ASTN2: variants seen among roughly 807,000 people sequenced by gnomAD.
ASTN2 encodes the protein astrotactin 2.
A neutral mutation model predicts 139.8 loss-of-function variants in ASTN2; 54 were observed. The ratio of observed to expected loss-of-function variants is 0.39; its 90% CI spans 0.31 to 0.48. The LOEUF (loss-of-function observed/expected upper bound fraction) is 0.48. Ranked by LOEUF, ASTN2 falls within the 20% of genes least tolerant of loss-of-function variation. The probability of loss-of-function intolerance (pLI) is 0.95; values close to 1 mark genes in which losing one functional copy is unlikely to be tolerated. For missense variants in ASTN2, 1,565 were observed against 1,725.1 expected (o/e 0.91, Z 1.64); for synonymous variants, 756 against 719.5 (o/e 1.05, Z -0.81).
chr9:117,379,567 A>G (rs2130925936), intron 1 of ASTN2, among the ~76,000 whole-genome samples: 1 of 152,322 alleles, frequency 6.6e-6, no homozygotes, highest in South Asian at 2.1e-4. Context: ...GGGAGGAATA[A>G]TAAAATGTAA....
intron 22 of ASTN2, among the ~76,000 whole-genome samples, chr9:116,431,280 G>T (rs749627511): frequency 6.6e-6 from 1 of 152,072 alleles, no homozygotes; most frequent in Non-Finnish European, 1.5e-5. Flanking sequence ...ATTCCCATTC[G>T]CCTCCCTCCC....
chr9:117,157,762 T>C (rs1199801601), intron 3 of ASTN2, among the ~76,000 whole-genome samples: 1 of 152,008 alleles, frequency 6.6e-6, no homozygotes, highest in Admixed American at 6.6e-5. Flanking sequence ...GTTGGTGCTA[T>C]AGATGAGAAG....
chr9:116,914,079 G>A (rs998976088), intron 10 of ASTN2, among the ~76,000 whole-genome samples: 1 of 150,288 alleles, frequency 6.7e-6, no homozygotes, highest in African/African-American at 2.5e-5. Context: ...AATGTTTTAA[G>A]TAATAGTAAG....
chr9:117,259,907 T>G (rs893386673), intron 2 of ASTN2, among the ~76,000 whole-genome samples: 10 of 152,202 alleles, frequency 6.6e-5, no homozygotes, highest in African/African-American at 2.2e-4. Flanking sequence ...TGCAAATTAT[T>G]AAAATGATGA....
intron 11 of ASTN2, among the ~76,000 whole-genome samples, chr9:116,855,231 T>C (rs1588356741): frequency 6.6e-6 from 1 of 152,202 alleles, no homozygotes; most frequent in East Asian, 1.9e-4. Context: ...ACAATAATCT[T>C]GGAAACCCTA....
intron 3 of ASTN2, among the ~76,000 whole-genome samples, chr9:117,211,025 T>C (rs1216015922): frequency 2.8e-5 from 4 of 144,942 alleles, no homozygotes; most frequent in Non-Finnish European, 6.0e-5. Flanking sequence ...CTCCTCGTGA[T>C]AAAAACTCTT....
At position 116,694,640 on chromosome 9, in the gene ASTN2, T is replaced by C. The variant is rs1004251808; in HGVS notation, c.2806+31131A>G. Reference sequence around the variant, plus strand: ...CACGCCCAGCTAATTTTTTTTTTTTTTTTTGTATTTTTAGTAGAGACGGAG... The same window carrying C: ...CACGCCCAGCTAATTTTTTTTTTTTCTTTTGTATTTTTAGTAGAGACGGAG... On this transcript the variant is annotated intron_variant, in intron 16 of 22. Transcript: ENST00000313400. 5.4e-5 allele frequency among the ~76,000 whole-genome samples: 8 copies of C among 149,220 alleles called. No homozygotes were observed. The East Asian group carries it at 7.9e-4, about 15-fold the overall frequency.
intron 22 of ASTN2, chr9:116,437,370 T>G: frequency 2.1e-6 from 1 of 471,282 alleles, no homozygotes; most frequent in Non-Finnish European, 4.4e-6. Flanking sequence ...TGTGGGATGT[T>G]GGAGCAATCT....
chr9:117,353,286 A>G (rs186104276), intron 1 of ASTN2, among the ~76,000 whole-genome samples: 69 of 152,230 alleles, frequency 4.5e-4, no homozygotes, highest in African/African-American at 1.6e-3. Flanking sequence ...CAAACCATAA[A>G]AAGATTCTCT....
chr9:117,204,343 C>A (rs112035642), intron 3 of ASTN2, among the ~76,000 whole-genome samples: 3 of 152,338 alleles, frequency 2.0e-5, no homozygotes, highest in African/African-American at 7.2e-5. Flanking sequence ...CAGGCATGAG[C>A]CACTGTCCCT....
At chr9:116,683,717 A>G (rs563267844) in intron 16 of ASTN2, among the ~76,000 whole-genome samples, 8 of 152,350 alleles carry the variant, frequency 5.3e-5, no homozygotes, top group Admixed American at 5.2e-4. Context: ...CTTCCATGAA[A>G]AAAATTTAGA....
At position 117,380,198 on chromosome 9, in the gene ASTN2, T is replaced by C. The variant is rs1830229872; in HGVS notation, c.442+34299A>G. On this transcript the variant is annotated intron_variant, in intron 1 of 22. Transcript: ENST00000313400. ...TACAATAGAAGGGTTCTACCTTCCT[T>C]GAGCTTAGAGTTGAGTGTGGTGGTC... 2.0e-5 allele frequency among the ~76,000 whole-genome samples: 3 copies of C among 152,140 alleles called. No individual in the cohort carries two copies. The South Asian group carries it at 6.2e-4, about 32-fold the overall frequency.
intron 22 of ASTN2, among the ~76,000 whole-genome samples, chr9:116,435,244 C>A (rs759704154): frequency 6.6e-6 from 1 of 152,182 alleles, no homozygotes; most frequent in African/African-American, 2.4e-5. Context: ...CAAGGTCACA[C>A]AACAAGTAGG....
chr9:116,689,388 C>T (rs182327824), intron 16 of ASTN2, among the ~76,000 whole-genome samples: 1 of 152,308 alleles, frequency 6.6e-6, no homozygotes, highest in Non-Finnish European at 1.5e-5. Context: ...TAGGATCTGG[C>T]ACATAGTAAG....
chr9:116,994,259 A>G (rs1413643743), intron 7 of ASTN2, among the ~76,000 whole-genome samples: 1 of 152,192 alleles, frequency 6.6e-6, no homozygotes, highest in African/African-American at 2.4e-5. Flanking sequence ...TATGTAAGCT[A>G]ATGAGCATGG....
chr9:117,261,030 T>C (rs1294117723), intron 2 of ASTN2, among the ~76,000 whole-genome samples: 1 of 152,212 alleles, frequency 6.6e-6, no homozygotes, highest in Non-Finnish European at 1.5e-5. Flanking sequence ...GAAGACATTA[T>C]GCTCAGTACA....
intron 13 of ASTN2, among the ~76,000 whole-genome samples, chr9:116,749,486 C>T (rs1169850682): frequency 2.0e-5 from 3 of 152,182 alleles, no homozygotes; most frequent in Non-Finnish European, 4.4e-5. Context: ...TTCCTAACTA[C>T]AGAACTTACC....
At chr9:117,351,406 A>C (rs1829382243) in intron 1 of ASTN2, among the ~76,000 whole-genome samples, 1 of 151,974 alleles carries the variant, frequency 6.6e-6, no homozygotes, top group East Asian at 1.9e-4. Flanking sequence ...GAAACAAAAC[A>C]AAAAAAATCT....
intron 22 of ASTN2, among the ~76,000 whole-genome samples, chr9:116,432,083 G>A (rs767719991): frequency 1.3e-5 from 2 of 152,146 alleles, no homozygotes; most frequent in Non-Finnish European, 2.9e-5. Flanking sequence ...AATCTAAAAG[G>A]CATGAGAGCC....
Sources: allele counts gnomAD v4.1 joint callset (sites outside exome capture counted in the v4.1 genomes callset), GRCh38; gene constraint gnomAD v4.1.1; transcripts MANE v1.5; gene names NCBI Gene and HGNC (gene_info 2026-07-23, HGNC 2026-07-21).